Variants in SLC4A4 observed in about 807,000 individuals in gnomAD.
SLC4A4 encodes the protein solute carrier family 4 member 4.
In SLC4A4, 27 loss-of-function variants were observed where a neutral mutation model predicts 111.5. That is an observed-to-expected ratio of 0.24 (90% CI 0.18 to 0.33). SLC4A4 has a LOEUF of 0.33. Among genes scored for constraint, SLC4A4 ranks in the 10% least tolerant of loss-of-function variants. The probability of loss-of-function intolerance (pLI) is 1.00; values close to 1 mark genes in which losing one functional copy is unlikely to be tolerated. For missense variants in SLC4A4, 909 were observed against 1,315.5 expected, an observed-to-expected ratio of 0.69 and a Z score of 4.78; for synonymous variants, 443 against 463.4, an observed-to-expected ratio of 0.96 and a Z score of 0.57.
intron 1 of SLC4A4, among the ~76,000 whole-genome samples, chr4:71,202,493 A>G (rs1176397717): frequency 6.6e-6 from 1 of 152,222 alleles, no homozygotes; most frequent in Non-Finnish European, 1.5e-5. Context: ...GCAGAGAGTT[A>G]AAAATGTATG....
At chr4:71,174,047 G>A (rs1745015554) in intron 2 of SLC4A4, among the ~76,000 whole-genome samples, 1 of 152,120 alleles carries the variant, frequency 6.6e-6, no homozygotes, top group African/African-American at 2.4e-5. Context: ...AGCAGAAACT[G>A]TCAATAGACA....
At chr4:71,259,515 A>G (rs1387423439) in intron 3 of SLC4A4, among the ~76,000 whole-genome samples, 1 of 151,862 alleles carries the variant, frequency 6.6e-6, no homozygotes. Flanking sequence ...GGGGAAGGAA[A>G]GTGAAATGGA....
Position 71,543,622 on chromosome 4 carries a change from C to T in SLC4A4, c.2443-2728C>T, listed in dbSNP as rs749364110. 1.8e-4 allele frequency among the ~76,000 whole-genome samples: 28 copies of T among 152,108 alleles called. 1 individual carries two copies. The highest frequency in any genetic ancestry group is 3.9e-4 in the African/African-American group (16 of 41,532). ...TAGTGGAAATAGATCCAGAAAGCATCGAGATGATGCAGGGTAACATGGGTG... is the reference window on the plus strand; with the variant it reads ...TAGTGGAAATAGATCCAGAAAGCATTGAGATGATGCAGGGTAACATGGGTG... On this transcript the variant is annotated intron_variant, in intron 18 of 25. Transcript: ENST00000264485.
rs543306358 is a variant in SLC4A4, at chr4:71,450,630, G to A, written c.1208+87G>A. 96 of 1,255,790 alleles carry A rather than the reference G, an allele frequency of 7.6e-5. 1 individual carries two copies. In the South Asian group the frequency reaches 1.2e-3, roughly 16 times the overall value. 77.8% of individuals were successfully genotyped at this position (1,255,790 alleles called of 1,614,324 possible). A position where few individuals can be genotyped will look rare whatever the true frequency, so the allele number is the denominator to read the frequency against. ...TAAAAAAAAAAAGTGAAGTCAACCTGTTGTTCTAATATTTTCAGGTTCCTG... is the reference window on the plus strand; with the variant it reads ...TAAAAAAAAAAAGTGAAGTCAACCTATTGTTCTAATATTTTCAGGTTCCTG... On this transcript the variant is annotated intron_variant, in intron 10 of 25. Coordinates refer to ENST00000264485, the MANE Select transcript of SLC4A4 (RefSeq NM_001098484.3).
At chr4:71,343,605 T>G (rs186684134) in intron 4 of SLC4A4, among the ~76,000 whole-genome samples, 1 of 152,228 alleles carries the variant, frequency 6.6e-6, no homozygotes, top group African/African-American at 2.4e-5. Context: ...ATCTGACCAA[T>G]TGGTAAATTC....
chr4:71,230,874 C>T (rs566847992), intron 1 of SLC4A4, among the ~76,000 whole-genome samples: 3 of 152,284 alleles, frequency 2.0e-5, no homozygotes, highest in Non-Finnish European at 2.9e-5. Flanking sequence ...AGCTCAGTAC[C>T]GCAGTCGCTT....
At chr4:71,503,190 C>A in intron 16 of SLC4A4, among the ~76,000 whole-genome samples, 1 of 149,422 alleles carries the variant, frequency 6.7e-6, no homozygotes, top group Non-Finnish European at 1.5e-5. Context: ...CATTTTCAGT[C>A]TGTTGTCCTT....
chr4:71,426,687 G>T (rs191558891), intron 7 of SLC4A4, among the ~76,000 whole-genome samples: 2 of 152,226 alleles, frequency 1.3e-5, no homozygotes, highest in Non-Finnish European at 2.9e-5. Flanking sequence ...CCCAGCCCTT[G>T]TTGGAGGCTA....
chr4:71,506,543 T>A (rs1207210710), intron 16 of SLC4A4, among the ~76,000 whole-genome samples: 1 of 152,190 alleles, frequency 6.6e-6, no homozygotes, highest in Admixed American at 6.5e-5. Context: ...TGATTTTTTA[T>A]CCTGAGACTT....
chr4:71,458,599 A>T (rs557224998), intron 12 of SLC4A4, among the ~76,000 whole-genome samples: 1 of 152,114 alleles, frequency 6.6e-6, no homozygotes, highest in Admixed American at 6.6e-5. Flanking sequence ...CTTGTCTCAT[A>T]ATAAGGAACA....
At chr4:71,535,586 G>A (rs1344933614) in intron 18 of SLC4A4, among the ~76,000 whole-genome samples, 2 of 152,114 alleles carry the variant, frequency 1.3e-5, no homozygotes, top group Admixed American at 6.6e-5. Flanking sequence ...ATCAAAACTT[G>A]TAAGTTAGAG....
At chr4:71,486,318 G>A (rs762396198) in intron 14 of SLC4A4, among the ~76,000 whole-genome samples, 1 of 151,308 alleles carries the variant, frequency 6.6e-6, no homozygotes, top group Non-Finnish European at 1.5e-5. Context: ...ATTTCCAAGA[G>A]GAACGTTGGT....
intron 14 of SLC4A4, among the ~76,000 whole-genome samples, chr4:71,481,385 G>A (rs1341900306): frequency 2.0e-5 from 3 of 151,664 alleles, no homozygotes; most frequent in Admixed American, 6.6e-5. Context: ...CCATGGGGTA[G>A]TTCCTGGGGC....
At chr4:71,169,510 A>C (rs1597874) in intron 2 of SLC4A4, among the ~76,000 whole-genome samples, 3 of 152,186 alleles carry the variant, frequency 2.0e-5, no homozygotes, top group African/African-American at 4.8e-5. Flanking sequence ...TTTTGAGAAA[A>C]GTGTATTTAG....
In SLC4A4 at chr4:71,216,686, T is replaced by A. The variant is rs376177382; in HGVS notation, c.-1-19890T>A. Among the ~76,000 whole-genome samples, 53 of 152,280 alleles carry A rather than the reference T, an allele frequency of 3.5e-4. No individual in the cohort carries two copies. The East Asian group carries it at 9.7e-3, about 28-fold the overall frequency. On this transcript the variant is annotated intron_variant, in intron 1 of 25. Transcript: ENST00000264485. The stretch of plus-strand genomic sequence containing the variant: ...TCTGGTTATCCCTCCTGCTCCATGC[T>A]GAGGAGGGAGCATGGCATGGAGCAT...
intron 1 of SLC4A4, among the ~76,000 whole-genome samples, chr4:71,208,441 A>ATATAT (rs751310771): frequency 4.0e-4 from 57 of 144,082 alleles, no homozygotes; most frequent in East Asian, 1.4e-3. Flanking sequence ...AAAAAAAAAA[A>ATATAT]AAATATATAT....
At chr4:71,485,127 TA>T (rs1397001660) in intron 14 of SLC4A4, among the ~76,000 whole-genome samples, 1 of 151,844 alleles carries the variant, frequency 6.6e-6, no homozygotes, top group Non-Finnish European at 1.5e-5. Flanking sequence ...GGATGCCCTT[TA>T]TTTCTTTCTC....
chr4:71,073,775 G>A (rs1741730682), intron 1 of SLC4A4, among the ~76,000 whole-genome samples: 2 of 151,968 alleles, frequency 1.3e-5, no homozygotes, highest in African/African-American at 4.8e-5. Context: ...TTGATGGATG[G>A]AATTTCCTAA....
upstream of SLC4A4, among the ~76,000 whole-genome samples, chr4:71,182,513 A>G (rs930089167): frequency 6.6e-6 from 1 of 152,142 alleles, no homozygotes; most frequent in Non-Finnish European, 1.5e-5. Context: ...CGGTTAGTCC[A>G]TAGGGAAACC....
Sources: gnomAD v4.1 joint callset for allele counts (sites outside exome capture counted in the v4.1 genomes callset) on GRCh38, gnomAD v4.1.1 for gene constraint, MANE v1.5 for transcripts, NCBI Gene and HGNC (gene_info 2026-07-23, HGNC 2026-07-21) for gene names.